KRTAP13-4: variants seen among roughly 807,000 people sequenced by gnomAD.
KRTAP13-4 encodes the protein keratin-associated protein 13-4.
For synonymous variants in KRTAP13-4, 80 were observed against 77.2 expected (o/e 1.04, Z -0.19); for missense variants, 198 against 189.6 (o/e 1.04, Z -0.26).
chr21:30,430,608 C>T, exon 1 of KRTAP13-4: 1 of 1,614,214 alleles, frequency 6.2e-7, no homozygotes, highest in Non-Finnish European at 8.5e-7. Context: ...GATCCAGTGG[C>T]TTCAGATTCC....
At chr21:30,430,457 G>A (rs1403139725) in exon 1 of KRTAP13-4, 2 of 1,614,036 alleles carry the variant, frequency 1.2e-6, no homozygotes, top group Non-Finnish European at 1.7e-6. Flanking sequence ...CCCGCCAGCT[G>A]CCAGAAATCC....
exon 1 of KRTAP13-4, chr21:30,430,245 A>T (rs2123426497): frequency 6.4e-7 from 1 of 1,553,250 alleles, no homozygotes; most frequent in Non-Finnish European, 8.7e-7. Context: ...CTTCTTAGGT[A>T]CACTCAGCTG....
At chr21:30,430,525 T>C in exon 1 of KRTAP13-4, 1 of 1,614,186 alleles carries the variant, frequency 6.2e-7, no homozygotes, top group Admixed American at 1.7e-5. Context: ...TTGCTCTGGA[T>C]CTCTAGGCTT....
Position 30,430,253 on chromosome 21 carries a change from C to A in KRTAP13-4, c.-23C>A. The A allele has an allele frequency of 6.4e-7, 1 of 1,571,514 alleles. No individual in the cohort carries two copies. The highest frequency in any genetic ancestry group is 1.2e-5 in the South Asian group (1 of 84,826). On this transcript the variant is annotated 5_prime_UTR_variant, in exon 1 of 1. The change creates a new upstream start codon in the 5' untranslated region. Transcript: ENST00000334068. ...TCAGAATCTTCTTAGGTACACTCAG[C>A]TGAACTCCCATCTCTCATCAGCATG...
exon 1 of KRTAP13-4, chr21:30,430,892 C>A (rs1539784): frequency 4.2e-6 from 4 of 954,358 alleles, no homozygotes; most frequent in Non-Finnish European, 6.4e-6. Context: ...TGGCAGACTG[C>A]GAAATTAATG....
Position 30,430,810 on chromosome 21 carries a change from A to G in KRTAP13-4, c.*52A>G, listed in dbSNP as rs962077842. ...ATCAAAGTCTCTACTGAATGCAGCC[A>G]TTATTTTCATTCTTGCCAGATCCCA... is the stretch of plus-strand genomic sequence containing the variant. On this transcript the variant is annotated 3_prime_UTR_variant, in exon 1 of 1. Coordinates refer to ENST00000334068, the Ensembl canonical transcript of KRTAP13-4. 4.6e-6 allele frequency: 7 copies of G among 1,525,194 alleles called. No homozygotes were observed. The East Asian group carries it at 6.8e-5, about 15-fold the overall frequency. 94.5% of individuals were successfully genotyped at this position (1,525,194 alleles called of 1,614,324 possible).
At chr21:30,430,699 T>C in exon 1 of KRTAP13-4, 2 of 1,614,182 alleles carry the variant, frequency 1.2e-6, no homozygotes, top group Non-Finnish European at 1.7e-6. Context: ...TTCTGGAGCC[T>C]GGCAGTCTTC....
rs1001221458 is a variant in KRTAP13-4 at position 30,430,496 on chromosome 21, G to A, written c.221G>A (p.Cys74Tyr). The A allele has an allele frequency of 2.5e-6, 4 of 1,614,072 alleles. No homozygotes were observed. In the African/African-American group the frequency reaches 5.3e-5, roughly 22 times the overall value. ...TACCGCCCCAGGACCTCCATCCTCT[G>A]CTGTCCCTGTCAGACGACTTGCTCT... Residue 74 changes from cysteine (C) to tyrosine (Y), a missense_variant, in exon 1 of 1, where the codon TGC becomes TAC. Coordinates refer to ENST00000334068, the Ensembl canonical transcript of KRTAP13-4.
chr21:30,430,513 A>G, exon 1 of KRTAP13-4: 1 of 1,614,182 alleles, frequency 6.2e-7, no homozygotes, highest in Non-Finnish European at 8.5e-7. Context: ...CTGTCAGACG[A>G]CTTGCTCTGG....
chr21:30,430,324 G>A (rs957319645), exon 1 of KRTAP13-4: 2 of 1,613,616 alleles, frequency 1.2e-6, no homozygotes, highest in Admixed American at 3.3e-5. Flanking sequence ...CTCCTTTGGG[G>A]GCTACCTGTA....
chr21:30,430,430 A>C, exon 1 of KRTAP13-4: 1 of 1,614,092 alleles, frequency 6.2e-7, no homozygotes, highest in Non-Finnish European at 8.5e-7. Context: ...AGGGACTGTC[A>C]GAAGACCTGC....
chr21:30,430,564 T>C (rs561891471), exon 1 of KRTAP13-4: 2 of 1,614,166 alleles, frequency 1.2e-6, no homozygotes, highest in South Asian at 2.2e-5. Flanking sequence ...CTCCCAGGGC[T>C]ATGGATCTAG....
chr21:30,430,248 C>A (rs752296348), exon 1 of KRTAP13-4: 2 of 1,557,986 alleles, frequency 1.3e-6, no homozygotes, highest in Non-Finnish European at 1.7e-6. Context: ...CTTAGGTACA[C>A]TCAGCTGAAC....
At chr21:30,430,344 C>G in exon 1 of KRTAP13-4, 1 of 1,613,930 alleles carries the variant, frequency 6.2e-7, no homozygotes, top group Non-Finnish European at 8.5e-7. Context: ...ACTACCCAGG[C>G]TCCTACCCCA....
At chr21:30,430,836 A>G in exon 1 of KRTAP13-4, 3 of 1,494,632 alleles carry the variant, frequency 2.0e-6, no homozygotes, top group Non-Finnish European at 2.7e-6. Flanking sequence ...CCAGATCCCA[A>G]TATCTTTTTA....
chr21:30,431,025 A>C, exon 1 of KRTAP13-4: 1 of 318,822 alleles, frequency 3.1e-6, no homozygotes. Flanking sequence ...CTGGTACCCA[A>C]ATATATTGTT....
exon 1 of KRTAP13-4, chr21:30,430,375 G>A (rs774044352): frequency 1.2e-6 from 2 of 1,614,160 alleles, no homozygotes; most frequent in Non-Finnish European, 1.7e-6. Context: ...CTACAGCACT[G>A]CCCTCTGCTC....
At chr21:30,430,818 C>G in exon 1 of KRTAP13-4, 1 of 1,517,382 alleles carries the variant, frequency 6.6e-7, no homozygotes, top group East Asian at 2.3e-5. Flanking sequence ...CCATTATTTT[C>G]ATTCTTGCCA....
the KRTAP13-4 span, chr21:30,430,350 C>A: frequency 6.2e-7 from 1 of 1,614,040 alleles, no homozygotes; most frequent in Non-Finnish European, 8.5e-7. Context: ...CAGGCTCCTA[C>A]CCCAGCAGCC....
Sources: allele counts gnomAD v4.1 joint callset, GRCh38; gene constraint gnomAD v4.1.1; transcripts MANE v1.5; gene names NCBI Gene and HGNC (gene_info 2026-07-23, HGNC 2026-07-21).